The following ANKRD11 variants were observed in gnomAD, a reference collection of about 807,000 sequenced individuals.
ANKRD11 encodes ankyrin repeat domain 11, also known as ankyrin repeat domain-containing protein 11.
In ANKRD11, 17 loss-of-function variants were observed where a neutral mutation model predicts 195.7. The observed-to-expected ratio is 0.09, with a 90% confidence interval of 0.06 to 0.13. The LOEUF is 0.13. Ranked by LOEUF, ANKRD11 falls within the 10% of genes least tolerant of loss-of-function variation. The probability of loss-of-function intolerance (pLI) is 1.00; values close to 1 mark genes in which losing one functional copy is unlikely to be tolerated. For missense variants in ANKRD11, 3,735 were observed against 3,566.1 expected, an observed-to-expected ratio of 1.05 and a Z score of -1.21; for synonymous variants, 1,953 against 1,528.1, an observed-to-expected ratio of 1.28 and a Z score of -6.49.
chr16:89,324,214 T>C (rs899305855), intron 2 of ANKRD11: 9 of 1,191,158 alleles, frequency 7.6e-6, no homozygotes, highest in East Asian at 6.1e-5. Flanking sequence ...TCAGCATTAC[T>C]GGCCTCTGCT....
intron 4 of ANKRD11, among the ~76,000 whole-genome samples, chr16:89,296,150 G>A (rs1286096434): frequency 1.3e-5 from 2 of 151,842 alleles, no homozygotes; most frequent in African/African-American, 4.8e-5. Context: ...GCCTCTGGCT[G>A]CTTTTAACAT....
Position 89,402,264 on chromosome 16 carries a change from A to C in ANKRD11, c.-60+16020T>G, listed in dbSNP as rs184701405. Among the ~76,000 whole-genome samples the C allele has an allele frequency of 2.0e-3, 302 of 152,330 alleles. 4 individuals carry two copies. The highest frequency in any genetic ancestry group is 6.7e-3 in the African/African-American group (277 of 41,580). ...ATATCTGGGTGCCTACACGTGACGT[A>C]CGCCAGTTCTTTGTAGAAAGAACGA... On this transcript the variant is annotated intron_variant, in intron 2 of 12. Transcript: ENST00000301030.
At chr16:89,393,314 AT>A (rs573197657) in intron 2 of ANKRD11, among the ~76,000 whole-genome samples, 3,944 of 139,222 alleles carry the variant, frequency 0.028, 83 homozygotes, top group South Asian at 0.071. Context: ...TTTTATTTTT[AT>A]TTTTTTTTTT....
At chr16:89,323,301 A>C in intron 2 of ANKRD11, 1 of 1,288,812 alleles carries the variant, frequency 7.8e-7, no homozygotes, top group African/African-American at 1.5e-5. Flanking sequence ...TGAGTGACAC[A>C]CCCTATGACC....
At chr16:89,477,699 G>A (rs1000036206) in intron 1 of ANKRD11, among the ~76,000 whole-genome samples, 5 of 151,668 alleles carry the variant, frequency 3.3e-5, no homozygotes, top group African/African-American at 9.7e-5. Flanking sequence ...GAGGCCGGGC[G>A]CGGTGGCTCA....
intron 2 of ANKRD11, among the ~76,000 whole-genome samples, chr16:89,341,753 CTGCACAAACG>C (rs1185280482): frequency 1.3e-5 from 2 of 152,266 alleles, no homozygotes; most frequent in African/African-American, 4.8e-5. Context: ...TTAACTCTCT[CTGCACAAACG>C]TGCACAAACA....
intron 3 of ANKRD11, among the ~76,000 whole-genome samples, chr16:89,309,301 CTGA>C (rs1384167281): frequency 1.3e-5 from 2 of 152,188 alleles, no homozygotes; most frequent in Non-Finnish European, 2.9e-5. Flanking sequence ...TGTGGAGCAA[CTGA>C]TGTCTCCCAC....
At position 89,282,610 on chromosome 16, in the gene ANKRD11, C is replaced by A. The variant is rs534628110; in HGVS notation, c.3932G>T (p.Arg1311Leu). Residue 1311 changes from arginine (R) to leucine (L), a missense_variant, in exon 9 of 13, where the codon CGA (arginine) becomes CTA (leucine). Transcript: ENST00000301030. ...SEVSSDSFTD[R>L]GQEPGLTAFL... Reference sequence around the variant, plus strand: ...GGCAGTCAGCCCCGGCTCCTGCCCTCGGTCCGTGAAGCTGTCAGAGGAGAC... The same window carrying A: ...GGCAGTCAGCCCCGGCTCCTGCCCTAGGTCCGTGAAGCTGTCAGAGGAGAC... The A allele has an allele frequency of 1.2e-6, 2 of 1,614,064 alleles. No homozygotes were observed. The highest frequency in any genetic ancestry group is 2.7e-5 in the African/African-American group (2 of 74,934).
chr16:89,389,594 A>C (rs939478774), intron 2 of ANKRD11, among the ~76,000 whole-genome samples: 1 of 152,216 alleles, frequency 6.6e-6, no homozygotes, highest in Non-Finnish European at 1.5e-5. Flanking sequence ...GTGTGAGACG[A>C]AAATCACACT....
At chr16:89,302,368 T>C (rs2035911737) in intron 4 of ANKRD11, among the ~76,000 whole-genome samples, 1 of 152,174 alleles carries the variant, frequency 6.6e-6, no homozygotes, top group Non-Finnish European at 1.5e-5. Flanking sequence ...TTCTCCTGCC[T>C]CAGCCTCCCG....
At chr16:89,342,895 G>T (rs1318991674) in intron 2 of ANKRD11, among the ~76,000 whole-genome samples, 7 of 152,224 alleles carry the variant, frequency 4.6e-5, no homozygotes, top group Non-Finnish European at 7.3e-5. Context: ...GGACGGAGGT[G>T]AATGAAAAGA....
chr16:89,319,211 G>C (rs548450480), intron 2 of ANKRD11, among the ~76,000 whole-genome samples: 1 of 152,376 alleles, frequency 6.6e-6, no homozygotes, highest in African/African-American at 2.4e-5. Flanking sequence ...GGCGTGGTCA[G>C]GGCGCAGACC....
intron 2 of ANKRD11, among the ~76,000 whole-genome samples, chr16:89,417,854 T>C (rs2042369182): frequency 6.9e-6 from 1 of 145,174 alleles, no homozygotes; most frequent in African/African-American, 2.6e-5. Context: ...ACCACCAGGA[T>C]CCTAACGAGC....
chr16:89,458,458 T>A (rs1387450005), intron 1 of ANKRD11, among the ~76,000 whole-genome samples: 1 of 152,156 alleles, frequency 6.6e-6, no homozygotes, highest in Non-Finnish European at 1.5e-5. Context: ...TCTCCTGACC[T>A]CGTGATCCGC....
intron 2 of ANKRD11, among the ~76,000 whole-genome samples, chr16:89,338,063 C>G (rs971923529): frequency 1.3e-5 from 2 of 152,332 alleles, no homozygotes; most frequent in Non-Finnish European, 2.9e-5. Context: ...ACCACTGTGT[C>G]GCGCTCTGCC....
At chr16:89,442,602 G>A (rs113973825) in intron 1 of ANKRD11, among the ~76,000 whole-genome samples, 3 of 152,138 alleles carry the variant, frequency 2.0e-5, no homozygotes, top group East Asian at 1.9e-4. Flanking sequence ...ACGGTTTTAC[G>A]CATCAAAGAC....
Position 89,268,475 on chromosome 16 carries a change from G to C in ANKRD11, c.*3C>G, listed in dbSNP as rs1597388915. The C allele has an allele frequency of 1.6e-6, 2 of 1,231,108 alleles. No homozygotes were observed. The highest frequency in any genetic ancestry group is 2.3e-6 in the Non-Finnish European group (2 of 874,026). The allele number at this position is 1,231,108 out of a possible 1,614,324, so 76.3% of individuals were successfully genotyped here. ...GCCTGCGTCCTGCGGCCGTCCCGCG[G>C]TGTCATGCCGGCAACAATACAAAGT... On this transcript the variant is annotated 3_prime_UTR_variant, in exon 13 of 13. Coordinates refer to ENST00000301030, the MANE Select transcript of ANKRD11 (RefSeq NM_013275.6).
chr16:89,324,575 G>T (rs759678953), intron 2 of ANKRD11: 18 of 453,886 alleles, frequency 4.0e-5, no homozygotes, highest in African/African-American at 3.2e-4. Context: ...CCTCCATCTG[G>T]GGGGGCATGA....
At chr16:89,381,354 A>AAAAAAAAAAAAAAAAAAAAAAAGG (rs1555560066) in intron 2 of ANKRD11, among the ~76,000 whole-genome samples, 1 of 125,344 alleles carries the variant, frequency 8.0e-6, no homozygotes, top group African/African-American at 3.3e-5. Flanking sequence ...AAAAAAAAAA[A>AAAAAAAAAAAAAAAAAAAAAAAGG]GGGGTGAGAA....
Sources: gnomAD v4.1 joint callset for allele counts (sites outside exome capture counted in the v4.1 genomes callset) on GRCh38, gnomAD v4.1.1 for gene constraint, MANE v1.5 for transcripts, NCBI Gene and HGNC (gene_info 2026-07-23, HGNC 2026-07-21) for gene names.